Variants in CAPG observed in about 807,000 individuals in gnomAD.
CAPG encodes the protein capping actin protein, gelsolin like.
A neutral mutation model predicts 44.6 loss-of-function variants in CAPG; 32 were observed. The ratio of observed to expected loss-of-function variants is 0.72; its 90% CI spans 0.54 to 0.96. CAPG has a LOEUF of 0.96. CAPG is among the 50% of genes least tolerant of loss of function. The probability of loss-of-function intolerance (pLI) is 0.00; values close to 1 mark genes in which losing one functional copy is unlikely to be tolerated. For missense variants in CAPG, 412 were observed against 438.3 expected (o/e 0.94, Z 0.54); for synonymous variants, 175 against 179.6 (o/e 0.97, Z 0.20).
chr2:85,407,246 A>G (rs1192157955), intron 1 of CAPG, among the ~76,000 whole-genome samples: 1 of 152,016 alleles, frequency 6.6e-6, no homozygotes, highest in African/African-American at 2.4e-5. Context: ...TTTTTTCTTT[A>G]ACAGTGCCCA....
chr2:85,401,835 A>G lies in CAPG; in HGVS notation c.146T>C (p.Leu49Pro), dbSNP rs760528962. Residue 49 changes from leucine (L) to proline (P), a missense_variant, in exon 3 of 10, where the codon CTA becomes CCA. Transcript: ENST00000263867. Reference sequence around the variant, plus strand: ...CTCTTCTGGGCCATTGTGCAGCACTAGGTAGGAGTCCCCCGAGAAGAAGAC... The same window carrying G: ...CTCTTCTGGGCCATTGTGCAGCACTGGGTAGGAGTCCCCCGAGAAGAAGAC... ...QGVFFSGDSYLVLHNGPEEVS... is the reference protein window; with the variant it reads ...QGVFFSGDSYPVLHNGPEEVS... 5 of 1,614,024 alleles carry G rather than the reference A, an allele frequency of 3.1e-6. No homozygotes were observed. Among genetic ancestry groups the G allele is most frequent in the Non-Finnish European group, 1.7e-6 (2 of 1,179,980 alleles).
downstream of CAPG, among the ~76,000 whole-genome samples, chr2:85,393,466 TA>T (rs1686458773): frequency 1.3e-5 from 2 of 152,284 alleles, no homozygotes; most frequent in Non-Finnish European, 2.9e-5. Context: ...CTCTCCCCTT[TA>T]AAAAACCATC....
chr2:85,406,085 T>G (rs964474360), intron 1 of CAPG, among the ~76,000 whole-genome samples: 5 of 152,014 alleles, frequency 3.3e-5, no homozygotes, highest in African/African-American at 1.2e-4. Context: ...GCAGTTCACT[T>G]GAGGTCAGGA....
At chr2:85,400,449 C>CCCATACTCCTCAG (rs1686826818) in intron 5 of CAPG, among the ~76,000 whole-genome samples, 1 of 152,138 alleles carries the variant, frequency 6.6e-6, no homozygotes, top group South Asian at 2.1e-4. Context: ...CAAGACGCAG[C>CCCATACTCCTCAG]CCATACTCCT....
chr2:85,401,962 G>T lies in CAPG; in HGVS notation c.24-5C>A. ...GAGCCTGGGAATGGAGAGCCACTGC[G>T]AGAAGAGAGAGGGTTGACAGCAGCC... is the stretch of plus-strand genomic sequence containing the variant. On this transcript the variant is annotated splice_polypyrimidine_tract_variant and splice_region_variant and intron_variant, in intron 2 of 9. Coordinates refer to ENST00000263867, the MANE Select transcript of CAPG (RefSeq NM_001747.4). 1 of 1,614,104 alleles carries T rather than the reference G, an allele frequency of 6.2e-7. No homozygotes were observed. The highest frequency in any genetic ancestry group is 1.1e-5 in the South Asian group (1 of 91,078).
intron 6 of CAPG, 25 bp from the exon 7 acceptor site, chr2:85,398,807 T>C: frequency 6.5e-7 from 1 of 1,536,294 alleles, no homozygotes; most frequent in Non-Finnish European, 8.9e-7. Context: ...GCAGGCCAGG[T>C]TTATAGGGAC....
chr2:85,394,662 A>G (rs1686499963), downstream of CAPG: 1 of 589,476 alleles, frequency 1.7e-6, no homozygotes, highest in Non-Finnish European at 3.1e-6. Context: ...AAGGCTGTCC[A>G]ATTGTCATCT....
downstream of CAPG, among the ~76,000 whole-genome samples, chr2:85,393,264 G>C (rs987241648): frequency 2.0e-5 from 3 of 152,122 alleles, no homozygotes; most frequent in African/African-American, 7.2e-5. Context: ...TCAAACCCCA[G>C]AGCTTAAGGA....
intron 5 of CAPG, among the ~76,000 whole-genome samples, chr2:85,400,494 C>T (rs920104886): frequency 5.3e-5 from 8 of 152,178 alleles, no homozygotes; most frequent in Non-Finnish European, 4.4e-5. Flanking sequence ...TAGGGCTCAC[C>T]TTCCACCTTG....
chr2:85,406,674 C>T (rs928273065), intron 1 of CAPG, among the ~76,000 whole-genome samples: 3 of 151,880 alleles, frequency 2.0e-5, no homozygotes, highest in African/African-American at 7.3e-5. Context: ...GCCTGACCAA[C>T]ATGGAGAAAC....
chr2:85,417,861 A>G (rs1160770086), intron 1 of CAPG, among the ~76,000 whole-genome samples: 2 of 152,070 alleles, frequency 1.3e-5, no homozygotes, highest in African/African-American at 4.8e-5. Context: ...CCTGATGATA[A>G]TAACACCTCA....
downstream of CAPG, among the ~76,000 whole-genome samples, chr2:85,392,158 AG>A (rs1195106733): frequency 6.6e-6 from 1 of 152,192 alleles, no homozygotes; most frequent in African/African-American, 2.4e-5. Context: ...TGGGAGGCCG[AG>A]GCGGGTGGAT....
chr2:85,412,227 T>A (rs1223766181), upstream of CAPG, among the ~76,000 whole-genome samples: 3 of 151,820 alleles, frequency 2.0e-5, no homozygotes, highest in Non-Finnish European at 4.4e-5. Context: ...AATAGGGTAA[T>A]ATGGGCCGGG....
At chr2:85,403,886 CAAAAAAAA>C (rs36054381) in intron 1 of CAPG, among the ~76,000 whole-genome samples, 124 of 69,808 alleles carry the variant, frequency 1.8e-3, no homozygotes, top group Non-Finnish European at 2.5e-3. Flanking sequence ...GACTCCATCT[CAAAAAAAA>C]AAAAAAAAAA....
At chr2:85,401,354 G>T (rs376252140) in intron 4 of CAPG, 25 bp from the exon 5 acceptor site, 1 of 1,610,382 alleles carries the variant, frequency 6.2e-7, no homozygotes, top group African/African-American at 1.3e-5. Context: ...GCCCATCTGA[G>T]TGGACTGACA....
At chr2:85,404,201 T>A (rs72831555) in intron 1 of CAPG, among the ~76,000 whole-genome samples, 13,028 of 151,296 alleles carry the variant, frequency 0.086, 603 homozygotes, top group South Asian at 0.16. Context: ...ATCACACTGC[T>A]CCTGCTAAGT....
upstream of CAPG, among the ~76,000 whole-genome samples, chr2:85,412,616 G>A (rs1385893971): frequency 6.6e-6 from 1 of 152,018 alleles, no homozygotes; most frequent in Non-Finnish European, 1.5e-5. Flanking sequence ...TAATACCGGG[G>A]AGACAAAATA....
At chr2:85,399,005 A>G in intron 6 of CAPG, 131 bp downstream of exon 6, 2 of 1,082,136 alleles carry the variant, frequency 1.8e-6, no homozygotes, top group Middle Eastern at 3.1e-4. Context: ...TGAGCTGGCC[A>G]CAGCCCTAGG....
intron 1 of CAPG, among the ~76,000 whole-genome samples, chr2:85,403,200 T>C (rs1686987149): frequency 6.6e-6 from 1 of 152,176 alleles, no homozygotes; most frequent in Admixed American, 6.5e-5. Flanking sequence ...ATTAAAAGGA[T>C]AAAGGGAATA....
Sources: gnomAD v4.1 joint callset for allele counts (sites outside exome capture counted in the v4.1 genomes callset) on GRCh38, gnomAD v4.1.1 for gene constraint, MANE v1.5 for transcripts, NCBI Gene and HGNC (gene_info 2026-07-23, HGNC 2026-07-21) for gene names.